Variants in FBXL2 observed in about 807,000 individuals in gnomAD.
The protein encoded by FBXL2 is F-box and leucine rich repeat protein 2.
In FBXL2, 38 loss-of-function variants were observed where a neutral mutation model predicts 69.2. The ratio of observed to expected loss-of-function variants is 0.55; its 90% CI spans 0.42 to 0.72. FBXL2 has a LOEUF of 0.72. Among genes scored for constraint, FBXL2 ranks in the 30% least tolerant of loss-of-function variants. The pLI is 0.00. For missense variants in FBXL2, 354 were observed against 520.3 expected (o/e 0.68, Z 3.11); for synonymous variants, 192 against 201.3 (o/e 0.95, Z 0.39).
chr3:33,405,198 T>G (rs2044385010), downstream of FBXL2, among the ~76,000 whole-genome samples: 1 of 152,272 alleles, frequency 6.6e-6, no homozygotes, highest in South Asian at 2.1e-4. Context: ...AAAAAAATTT[T>G]TAAAGATTTT....
intron 2 of FBXL2, among the ~76,000 whole-genome samples, chr3:33,321,461 A>G (rs1394367136): frequency 6.6e-6 from 1 of 152,236 alleles, no homozygotes; most frequent in Non-Finnish European, 1.5e-5. Context: ...TTTCAAAATA[A>G]AGATTACAAG....
intron 2 of FBXL2, chr3:33,303,259 C>T (rs769268397): frequency 6.8e-5 from 30 of 442,844 alleles, no homozygotes; most frequent in Non-Finnish European, 1.0e-4. Context: ...TTGGTTTGCT[C>T]GCTCTCGTGG....
intron 1 of FBXL2, among the ~76,000 whole-genome samples, chr3:33,282,108 C>T (rs1333133038): frequency 8.5e-5 from 13 of 152,116 alleles, no homozygotes; most frequent in East Asian, 1.9e-4. Context: ...GTTTTAGTCA[C>T]GAAGTCCTTG....
intron 2 of FBXL2, among the ~76,000 whole-genome samples, chr3:33,307,238 A>T (rs1348116523): frequency 1.3e-5 from 2 of 152,192 alleles, no homozygotes; most frequent in Non-Finnish European, 2.9e-5. Flanking sequence ...GTAGAGCACA[A>T]TATCATATCT....
In FBXL2 at chr3:33,277,524, G is replaced by A; in HGVS notation, c.3+9G>A. 7.7e-7 allele frequency: 1 copy of A among 1,297,744 alleles called. No homozygotes were observed. Among genetic ancestry groups the A allele is most frequent in the Non-Finnish European group, 9.9e-7 (1 of 1,014,806 alleles). 80.4% of individuals were successfully genotyped at this position (1,297,744 alleles called of 1,614,324 possible). ...GCGGCTCTTCGGCCATGGTGAGTCTGGGACCCGCGTCTGCCTAGCTGCCCC... is the reference window on the plus strand; with the variant it reads ...GCGGCTCTTCGGCCATGGTGAGTCTAGGACCCGCGTCTGCCTAGCTGCCCC... On this transcript the variant is annotated intron_variant, in intron 1 of 14. Coordinates refer to ENST00000484457, the MANE Select transcript of FBXL2 (RefSeq NM_012157.5).
At chr3:33,413,391 CA>C in the FBXL2 span, among the ~76,000 whole-genome samples, 3 of 151,264 alleles carry the variant, frequency 2.0e-5, no homozygotes, top group Non-Finnish European at 2.9e-5. Flanking sequence ...ACAAAAAATA[CA>C]AAAAATTAGC....
At chr3:33,344,109 A>C (rs990573582) in intron 2 of FBXL2, among the ~76,000 whole-genome samples, 9 of 151,818 alleles carry the variant, frequency 5.9e-5, no homozygotes, top group African/African-American at 2.2e-4. Context: ...CACTCATAAT[A>C]CAAAAAAAAA....
the FBXL2 span, among the ~76,000 whole-genome samples, chr3:33,415,810 T>C: frequency 6.6e-6 from 1 of 151,922 alleles, no homozygotes; most frequent in African/African-American, 2.4e-5. Context: ...AGAAAGCACA[T>C]TGCTGAATAT....
At chr3:33,299,284 C>T (rs1475651301) in intron 2 of FBXL2, among the ~76,000 whole-genome samples, 16 of 152,078 alleles carry the variant, frequency 1.1e-4, no homozygotes, top group Non-Finnish European at 2.2e-4. Context: ...TCAGGTAATC[C>T]GCCCGCCTCG....
intron 12 of FBXL2, among the ~76,000 whole-genome samples, chr3:33,402,018 A>C (rs2044249120): frequency 6.6e-6 from 1 of 152,206 alleles, no homozygotes; most frequent in African/African-American, 2.4e-5. Flanking sequence ...GGGGGAGAGC[A>C]CATTTTTGCT....
downstream of FBXL2, chr3:33,388,424 A>G (rs2043603905): frequency 6.6e-6 from 1 of 152,638 alleles, no homozygotes; most frequent in Non-Finnish European, 1.5e-5. Context: ...CTGGTGCCAA[A>G]ATTTATTTAG....
the FBXL2 span, chr3:33,416,850 G>C: frequency 1.2e-6 from 2 of 1,605,692 alleles, no homozygotes; most frequent in East Asian, 4.5e-5. Context: ...TAAAGAAATT[G>C]TGTATAAAAA....
the FBXL2 span, among the ~76,000 whole-genome samples, chr3:33,413,903 C>T: frequency 4.6e-5 from 7 of 152,278 alleles, 1 homozygote; most frequent in African/African-American, 1.4e-4. Flanking sequence ...ACACCAATGC[C>T]AGTGGTTCAC....
intron 5 of FBXL2, among the ~76,000 whole-genome samples, chr3:33,369,673 C>T (rs1203983259): frequency 6.6e-6 from 1 of 151,878 alleles, no homozygotes; most frequent in South Asian, 2.1e-4. Flanking sequence ...AGTGCAGTAC[C>T]ATGGTCTAGG....
chr3:33,352,165 A>T (rs2040871570), intron 2 of FBXL2, among the ~76,000 whole-genome samples: 2 of 152,210 alleles, frequency 1.3e-5, no homozygotes, highest in Non-Finnish European at 2.9e-5. Context: ...GCCTAAAAGT[A>T]GAGCCACATA....
intron 1 of FBXL2, among the ~76,000 whole-genome samples, chr3:33,286,828 C>T (rs373692712): frequency 5.3e-5 from 8 of 152,342 alleles, no homozygotes; most frequent in Admixed American, 1.3e-4. Flanking sequence ...GGTGTGGGAC[C>T]CTCTGAGCCA....
intron 12 of FBXL2, chr3:33,393,580 A>C: frequency 2.4e-6 from 2 of 834,936 alleles, no homozygotes. Context: ...AAAACATTTT[A>C]AATGGGAATA....
At chr3:33,296,559 G>A (rs2035769631) in intron 1 of FBXL2, among the ~76,000 whole-genome samples, 1 of 151,972 alleles carries the variant, frequency 6.6e-6, no homozygotes, top group African/African-American at 2.4e-5. Context: ...TTTATATGAA[G>A]TGAGATAGGG....
chr3:33,312,181 T>C (rs549041889), intron 2 of FBXL2, among the ~76,000 whole-genome samples: 1 of 152,142 alleles, frequency 6.6e-6, no homozygotes, highest in Admixed American at 6.5e-5. Context: ...CCCAGCCTCC[T>C]AAGTAGATGG....
Sources: allele counts gnomAD v4.1 joint callset (sites outside exome capture counted in the v4.1 genomes callset), GRCh38; gene constraint gnomAD v4.1.1; transcripts MANE v1.5; gene names NCBI Gene and HGNC (gene_info 2026-07-23, HGNC 2026-07-21).